The following DNM3 variants were observed in gnomAD, a reference collection of about 807,000 sequenced individuals.
The protein encoded by DNM3 is dynamin 3.
DNM3 carries 47 observed loss-of-function variants against 101.6 expected under a neutral mutation model. The ratio of observed to expected loss-of-function variants is 0.46; its 90% CI spans 0.37 to 0.59. The LOEUF (loss-of-function observed/expected upper bound fraction) is 0.59, where lower values mean the gene tolerates loss of function less well. Among genes scored for constraint, DNM3 ranks in the 20% least tolerant of loss-of-function variants. The pLI is 0.00. For missense variants in DNM3, 849 were observed against 1,085.7 expected, an observed-to-expected ratio of 0.78 and a Z score of 3.06; for synonymous variants, 385 against 387.9, an observed-to-expected ratio of 0.99 and a Z score of 0.09.
chr1:172,054,382 A>G (rs1252561469), intron 10 of DNM3, among the ~76,000 whole-genome samples: 1 of 152,218 alleles, frequency 6.6e-6, no homozygotes, highest in Non-Finnish European at 1.5e-5. Context: ...TGCCAGGGAC[A>G]TCTCAACTTT....
intron 14 of DNM3, among the ~76,000 whole-genome samples, chr1:172,164,119 A>G (rs1158888894): frequency 6.6e-6 from 1 of 152,096 alleles, no homozygotes; most frequent in Non-Finnish European, 1.5e-5. Context: ...TTCAAATAAG[A>G]AAGTACAGTT....
chr1:172,042,424 C>T (rs764355208), intron 8 of DNM3, among the ~76,000 whole-genome samples: 24 of 152,164 alleles, frequency 1.6e-4, no homozygotes, highest in Non-Finnish European at 3.2e-4. Flanking sequence ...GTACTATGCA[C>T]CACATTTCTA....
At chr1:172,039,277 C>T (rs2049189850) in intron 7 of DNM3, among the ~76,000 whole-genome samples, 1 of 152,072 alleles carries the variant, frequency 6.6e-6, no homozygotes, top group African/African-American at 2.4e-5. Context: ...ATGTTTGGCA[C>T]CTCTTATGGC....
At chr1:172,318,841 C>T (rs2065538593) in intron 16 of DNM3, among the ~76,000 whole-genome samples, 2 of 152,098 alleles carry the variant, frequency 1.3e-5, no homozygotes, top group Non-Finnish European at 2.9e-5. Context: ...CAGTGCCATC[C>T]CCATCAAGCT....
At chr1:171,938,639 A>G (rs1031010246) in intron 2 of DNM3, among the ~76,000 whole-genome samples, 6 of 152,226 alleles carry the variant, frequency 3.9e-5, no homozygotes, top group Non-Finnish European at 8.8e-5. Context: ...ATTGGACACA[A>G]TGTAATAAAT....
Position 172,117,168 on chromosome 1 carries a change from G to T in DNM3, c.1546-14007G>T, listed in dbSNP as rs187486783. The stretch of plus-strand genomic sequence containing the variant: ...TGTGGTGAGCTGAGATCATGCCATT[G>T]CACTCCAGCCTGGGCAACAAGAGCA... On this transcript the variant is annotated intron_variant, in intron 13 of 20. Coordinates refer to ENST00000627582, the MANE Select transcript of DNM3 (RefSeq NM_015569.5). Among the ~76,000 whole-genome samples the T allele has an allele frequency of 8.0e-3, 1,212 of 151,042 alleles. 10 individuals are homozygous for T. The highest frequency in any genetic ancestry group is 0.013 in the Non-Finnish European group (851 of 67,840).
intron 1 of DNM3, among the ~76,000 whole-genome samples, chr1:171,862,669 A>G (rs2034301844): frequency 1.3e-5 from 2 of 152,194 alleles, no homozygotes; most frequent in African/African-American, 4.8e-5. Context: ...GTGTTTTATA[A>G]TATCATGAAT....
intron 1 of DNM3, among the ~76,000 whole-genome samples, chr1:171,897,312 T>C (rs566863229): frequency 6.6e-6 from 1 of 152,360 alleles, no homozygotes; most frequent in South Asian, 2.1e-4. Flanking sequence ...AGGTTGGATT[T>C]GTTTTGCTCC....
chr1:172,031,127 T>G (rs996537293), intron 4 of DNM3, among the ~76,000 whole-genome samples: 1 of 152,104 alleles, frequency 6.6e-6, no homozygotes, highest in Non-Finnish European at 1.5e-5. Context: ...GCACTATTTA[T>G]AGTAGCAAAG....
chr1:172,017,528 A>G (rs528447583), intron 4 of DNM3, among the ~76,000 whole-genome samples: 1 of 152,178 alleles, frequency 6.6e-6, no homozygotes, highest in Admixed American at 6.5e-5. Context: ...ATTGATTTCT[A>G]TTTTAATTTC....
intron 2 of DNM3, among the ~76,000 whole-genome samples, chr1:171,935,905 G>A (rs1041905703): frequency 1.4e-5 from 2 of 144,582 alleles, no homozygotes; most frequent in African/African-American, 2.6e-5. Context: ...AACTGAGAAA[G>A]CAAATGTGCC....
chr1:171,929,164 C>T (rs2040811032), intron 2 of DNM3, among the ~76,000 whole-genome samples: 1 of 152,126 alleles, frequency 6.6e-6, no homozygotes, highest in African/African-American at 2.4e-5. Context: ...GCCTCAGACA[C>T]TCCAAAGCCT....
At chr1:172,301,842 G>A (rs991464333) in intron 15 of DNM3, among the ~76,000 whole-genome samples, 1 of 152,068 alleles carries the variant, frequency 6.6e-6, no homozygotes, top group African/African-American at 2.4e-5. Flanking sequence ...GGGAGGGAGA[G>A]AAATAGAACC....
chr1:172,002,192 A>G (rs797022568), intron 4 of DNM3, among the ~76,000 whole-genome samples: 19 of 152,174 alleles, frequency 1.2e-4, no homozygotes, highest in African/African-American at 4.6e-4. Flanking sequence ...AATTGCATTG[A>G]GCGCCCAAAT....
intron 4 of DNM3, among the ~76,000 whole-genome samples, chr1:172,028,947 C>G (rs1572157751): frequency 6.6e-6 from 1 of 150,750 alleles, no homozygotes; most frequent in Middle Eastern, 3.4e-3. Context: ...AGCCCAGGAC[C>G]AGATAGATTC....
intron 15 of DNM3, among the ~76,000 whole-genome samples, chr1:172,268,850 G>A (rs907891711): frequency 6.6e-6 from 1 of 152,026 alleles, no homozygotes; most frequent in African/African-American, 2.4e-5. Context: ...TTTTTTGAGG[G>A]AGAAAAATAG....
chr1:172,227,358 T>C (rs1018686744), intron 14 of DNM3, among the ~76,000 whole-genome samples: 1 of 148,770 alleles, frequency 6.7e-6, no homozygotes, highest in African/African-American at 2.5e-5. Flanking sequence ...TGGTTCTATA[T>C]CTTTGCGGTT....
At position 172,409,413 on chromosome 1, in the gene DNM3, T is replaced by C. The variant is rs541303556; in HGVS notation, c.*1572T>C. On this transcript the variant is annotated 3_prime_UTR_variant, in exon 21 of 21. Transcript: ENST00000627582. ...CCATTATTAAACAGAGAACTTGCCA[T>C]GTTGAGTGCCATTGTATTGAACTTA... 6 of 984,758 alleles carry C rather than the reference T, an allele frequency of 6.1e-6. No individual in the cohort carries two copies. The South Asian group carries it at 1.9e-4, about 31-fold the overall frequency. 61.0% of individuals were successfully genotyped at this position (984,758 alleles called of 1,614,324 possible).
At chr1:171,987,403 A>G (rs185172312) in intron 2 of DNM3, 3 of 818,978 alleles carry the variant, frequency 3.7e-6, no homozygotes, top group Non-Finnish European at 4.4e-6. Context: ...AATAGGCTAG[A>G]TGGTTTAGGG....
Sources: allele counts gnomAD v4.1 joint callset (sites outside exome capture counted in the v4.1 genomes callset), GRCh38; gene constraint gnomAD v4.1.1; transcripts MANE v1.5; gene names NCBI Gene and HGNC (gene_info 2026-07-23, HGNC 2026-07-21).